Variants in CD163L1 observed in about 807,000 individuals in gnomAD.
CD163L1 encodes the protein scavenger receptor cysteine-rich type 1 protein M160.
CD163L1 carries 124 observed loss-of-function variants against 165.4 expected under a neutral mutation model. The observed-to-expected ratio is 0.75, with a 90% confidence interval of 0.65 to 0.87. The LOEUF is 0.87. CD163L1 is among the 40% of genes least tolerant of loss of function. The pLI is 0.00. For missense variants in CD163L1, 1,525 were observed against 1,799.9 expected (o/e 0.85, Z 2.76); for synonymous variants, 585 against 662.2 (o/e 0.88, Z 1.79).
At chr12:7,373,194 C>A in intron 14 of CD163L1, 126 bp downstream of exon 14, 1 of 733,896 alleles carries the variant, frequency 1.4e-6, no homozygotes, top group Non-Finnish European at 2.2e-6. Flanking sequence ...TGCGATAAAT[C>A]AGCACTTATT....
downstream of CD163L1, among the ~76,000 whole-genome samples, chr12:7,342,295 C>G (rs982480981): frequency 4.6e-5 from 7 of 152,314 alleles, no homozygotes; most frequent in African/African-American, 1.7e-4. Flanking sequence ...ATTCTTAAAC[C>G]ACAAACAATA....
intron 4 of CD163L1, among the ~76,000 whole-genome samples, chr12:7,421,566 CATATAT>C (rs1329407240): frequency 3.9e-5 from 5 of 127,264 alleles, no homozygotes; most frequent in South Asian, 2.5e-4. Context: ...CATATATGTA[CATATAT>C]ACATGTACAT....
At chr12:7,319,505 G>A in the CD163L1 span, among the ~76,000 whole-genome samples, 4 of 151,058 alleles carry the variant, frequency 2.6e-5, no homozygotes, top group African/African-American at 9.8e-5. Flanking sequence ...GCAGAGAATT[G>A]CTTGAATCTG....
chr12:7,344,076 C>G (rs1301289332), downstream of CD163L1, among the ~76,000 whole-genome samples: 3 of 151,636 alleles, frequency 2.0e-5, no homozygotes, highest in Admixed American at 1.3e-4. Context: ...AATCACTAAG[C>G]CTTTTTTTTT....
rs766543151 is a variant in CD163L1, at chr12:7,416,685, C to T, written c.767-9833G>A. Among the ~76,000 whole-genome samples, 3 of 152,210 alleles carry T rather than the reference C, an allele frequency of 2.0e-5. No individual in the cohort carries two copies. The East Asian group carries it at 5.8e-4, about 29-fold the overall frequency. ...TTTACTAAATGAGGAATCCTTTCCC[C>T]ATTGCTTGTTTTTGTCAGGTTTGTC... On this transcript the variant is annotated intron_variant, in intron 4 of 19. Coordinates refer to ENST00000313599, the MANE Select transcript of CD163L1 (RefSeq NM_174941.6).
downstream of CD163L1, among the ~76,000 whole-genome samples, chr12:7,350,192 T>C (rs961255395): frequency 1.3e-5 from 2 of 152,156 alleles, no homozygotes; most frequent in African/African-American, 4.8e-5. Context: ...GCAGAAGCAG[T>C]TCCAGAAGCT....
the CD163L1 span, among the ~76,000 whole-genome samples, chr12:7,321,643 C>T: frequency 1.6e-4 from 25 of 152,312 alleles, 1 homozygote; most frequent in East Asian, 1.9e-4. Flanking sequence ...GTATTCTACC[C>T]ACACCCTCTG....
At chr12:7,416,664 C>T (rs10047555) in intron 4 of CD163L1, among the ~76,000 whole-genome samples, 17,004 of 151,860 alleles carry the variant, frequency 0.11, 1,761 homozygotes, top group African/African-American at 0.27. Context: ...ATGCCATTTA[C>T]TAAATGAGGA....
At chr12:7,330,407 T>C in the CD163L1 span, among the ~76,000 whole-genome samples, 31 of 152,344 alleles carry the variant, frequency 2.0e-4, no homozygotes, top group African/African-American at 7.5e-4. Flanking sequence ...TCACAGACTT[T>C]GTTGGTGTCT....
intron 4 of CD163L1, among the ~76,000 whole-genome samples, chr12:7,426,815 CT>C (rs748572397): frequency 5.4e-4 from 82 of 152,238 alleles, no homozygotes; most frequent in Admixed American, 1.6e-3. Context: ...AAGGGACTCA[CT>C]TCTTTAGTTT....
chr12:7,430,165 T>C (rs1224881669), intron 4 of CD163L1, among the ~76,000 whole-genome samples: 4 of 152,216 alleles, frequency 2.6e-5, no homozygotes, highest in Admixed American at 6.5e-5. Context: ...CTGATACTAA[T>C]TTGTATCTTT....
intron 4 of CD163L1, among the ~76,000 whole-genome samples, chr12:7,412,260 C>T (rs1272023894): frequency 6.6e-6 from 1 of 152,144 alleles, no homozygotes; most frequent in African/African-American, 2.4e-5. Context: ...CTTAAGGTCA[C>T]ATAAATCTTT....
chr12:7,362,411 G>C (rs1215023403), intron 18 of CD163L1, among the ~76,000 whole-genome samples: 1 of 134,542 alleles, frequency 7.4e-6, no homozygotes, highest in African/African-American at 2.8e-5. Flanking sequence ...TAATTATATA[G>C]TATGTTATTT....
chr12:7,422,058 C>A (rs1471964490), intron 4 of CD163L1, among the ~76,000 whole-genome samples: 1 of 152,054 alleles, frequency 6.6e-6, no homozygotes, highest in African/African-American at 2.4e-5. Flanking sequence ...TGGCATCATG[C>A]CGGTGCCCTC....
intron 4 of CD163L1, among the ~76,000 whole-genome samples, chr12:7,349,113 C>A (rs773852433): frequency 1.3e-5 from 2 of 151,864 alleles, no homozygotes; most frequent in African/African-American, 2.4e-5. Flanking sequence ...AATGTCTCTA[C>A]GGAAATATGT....
rs1565810265 is a variant in CD163L1 at position 7,421,499 on chromosome 12, G to GTACATATATACATATATA, written c.766+10916_766+10917insTATATATGTATATATGTA. Among the ~76,000 whole-genome samples the GTACATATATACATATATA allele has an allele frequency of 2.9e-3, 256 of 88,534 alleles. 37 individuals carry two copies. The highest frequency in any genetic ancestry group is 4.4e-3 in the South Asian group (12 of 2,740). The allele number at this position is 88,534 out of a possible 152,430, so 58.1% of individuals were successfully genotyped here. On this transcript the variant is annotated intron_variant, in intron 4 of 19. Coordinates refer to ENST00000313599, the MANE Select transcript of CD163L1 (RefSeq NM_174941.6). ...CATATATGTACATATATACATATAT[G>GTACATATATACATATATA]TACATATACATATACATATATGTAC...
intron 4 of CD163L1, among the ~76,000 whole-genome samples, chr12:7,427,628 T>C (rs1326326548): frequency 6.6e-6 from 1 of 152,094 alleles, no homozygotes; most frequent in Non-Finnish European, 1.5e-5. Context: ...GTATATTAAA[T>C]ACGTACAGCT....
the CD163L1 span, among the ~76,000 whole-genome samples, chr12:7,319,329 C>T: frequency 2.6e-5 from 4 of 152,120 alleles, no homozygotes; most frequent in African/African-American, 7.2e-5. Context: ...ACAGATAAAG[C>T]AGGCATAATC....
the CD163L1 span, among the ~76,000 whole-genome samples, chr12:7,337,993 G>T: frequency 6.6e-6 from 1 of 152,254 alleles, no homozygotes; most frequent in African/African-American, 2.4e-5. Context: ...CCATAAAAAA[G>T]AATGAGTTCA....
Sources: allele counts gnomAD v4.1 joint callset (sites outside exome capture counted in the v4.1 genomes callset), GRCh38; gene constraint gnomAD v4.1.1; transcripts MANE v1.5; gene names NCBI Gene and HGNC (gene_info 2026-07-23, HGNC 2026-07-21).